The following TRPC4 variants were observed in gnomAD, a reference collection of about 807,000 sequenced individuals.
TRPC4 encodes short transient receptor potential channel 4.
TRPC4 carries 49 observed loss-of-function variants against 99.4 expected under a neutral mutation model. The observed-to-expected ratio is 0.49, with a 90% CI of 0.39 to 0.63. The LOEUF (loss-of-function observed/expected upper bound fraction) is 0.63. Ranked by LOEUF, TRPC4 falls within the 20% of genes least tolerant of loss-of-function variation. The pLI, the probability that TRPC4 is intolerant of heterozygous loss-of-function variation, is 0.00. For missense variants in TRPC4, 898 were observed against 1,152.9 expected (o/e 0.78, Z 3.20); for synonymous variants, 454 against 425.9 (o/e 1.07, Z -0.81).
At chr13:37,750,931 C>T (rs1955916819) in intron 2 of TRPC4, among the ~76,000 whole-genome samples, 1 of 152,008 alleles carries the variant, frequency 6.6e-6, no homozygotes, top group South Asian at 2.1e-4. Context: ...TTCTAATCTT[C>T]ACTGTGCTGT....
At chr13:37,663,332 T>A in intron 6 of TRPC4, 84 bp downstream of exon 6, 1 of 1,320,594 alleles carries the variant, frequency 7.6e-7, no homozygotes, top group Non-Finnish European at 1.0e-6. Flanking sequence ...TTTACAACCA[T>A]TTGTCATAGG....
intron 1 of TRPC4, among the ~76,000 whole-genome samples, chr13:37,807,037 G>A (rs1957544278): frequency 1.3e-5 from 2 of 151,992 alleles, no homozygotes; most frequent in African/African-American, 4.8e-5. Context: ...AAAATTGCTT[G>A]AATCAATACA....
At chr13:37,852,740 G>A (rs1183636525) in intron 1 of TRPC4, among the ~76,000 whole-genome samples, 1 of 152,140 alleles carries the variant, frequency 6.6e-6, no homozygotes, top group Non-Finnish European at 1.5e-5. Flanking sequence ...CTACCTTGAA[G>A]GGTGAGTCCC....
intron 1 of TRPC4, among the ~76,000 whole-genome samples, chr13:37,798,268 C>A (rs929826237): frequency 4.6e-5 from 7 of 152,032 alleles, no homozygotes; most frequent in African/African-American, 1.2e-4. Flanking sequence ...GTAGAATCAT[C>A]CTTTCTCACT....
chr13:37,646,617 G>GCT (rs1285393013), intron 8 of TRPC4, among the ~76,000 whole-genome samples: 11 of 152,142 alleles, frequency 7.2e-5, no homozygotes, highest in Admixed American at 2.0e-4. Context: ...AAAAAATTGT[G>GCT]GTAGATACCA....
Position 37,637,408 on chromosome 13 carries a change from A to G in TRPC4, c.2429T>C (p.Ile810Thr). Residue 810 changes from isoleucine (I) to threonine (T), a missense_variant, in exon 11 of 11, where the codon ATT becomes ACT. Physicochemically the swap from Ile to Thr is moderately conservative, Grantham distance 89. Around this residue, in one of 3 missense-constraint regions of TRPC4, gnomAD observed 346 missense variants for 351.4 expected, o/e 0.98. Coordinates refer to ENST00000379705, the MANE Select transcript of TRPC4 (RefSeq NM_016179.4). ...TTLIHPRSAA[I>T]ASERHNISNG... ...GCTTATGTTATGTCTTTCAGAGGCAATTGCTGCTGATCTCGGATGAATCAG... is the reference window on the plus strand; with the variant it reads ...GCTTATGTTATGTCTTTCAGAGGCAGTTGCTGCTGATCTCGGATGAATCAG... The G allele has an allele frequency of 6.2e-7, 1 of 1,613,718 alleles. No individual in the cohort carries two copies. The highest frequency in any genetic ancestry group is 8.5e-7 in the Non-Finnish European group (1 of 1,179,810).
chr13:37,866,853 G>GGC (rs1566236267), intron 1 of TRPC4, among the ~76,000 whole-genome samples: 2 of 115,056 alleles, frequency 1.7e-5, no homozygotes, highest in Non-Finnish European at 3.4e-5. Context: ...TTGTGGGGGG[G>GGC]GGCGGGTATA....
At chr13:37,660,729 T>A (rs181789200) in intron 6 of TRPC4, among the ~76,000 whole-genome samples, 7 of 152,314 alleles carry the variant, frequency 4.6e-5, no homozygotes, top group Admixed American at 1.3e-4. Flanking sequence ...TGAATTAGTG[T>A]ATTTTTAACC....
At chr13:37,748,717 A>C (rs1428666741) in intron 2 of TRPC4, among the ~76,000 whole-genome samples, 1 of 152,054 alleles carries the variant, frequency 6.6e-6, no homozygotes, top group Non-Finnish European at 1.5e-5. Flanking sequence ...TCTTTGTAGA[A>C]TATTGCAGAA....
At chr13:37,727,326 A>G (rs756535004) in intron 3 of TRPC4, among the ~76,000 whole-genome samples, 18 of 152,058 alleles carry the variant, frequency 1.2e-4, no homozygotes, top group African/African-American at 1.7e-4. Context: ...CGTACTTTTA[A>G]CCAACGGATC....
At chr13:37,783,795 A>G (rs1424062938) in intron 1 of TRPC4, among the ~76,000 whole-genome samples, 1 of 152,146 alleles carries the variant, frequency 6.6e-6, no homozygotes, top group African/African-American at 2.4e-5. Context: ...TGGAAACGCT[A>G]TTGAGATTAT....
chr13:37,830,539 C>G (rs1057237469), intron 1 of TRPC4, among the ~76,000 whole-genome samples: 1 of 151,256 alleles, frequency 6.6e-6, no homozygotes, highest in African/African-American at 2.4e-5. Flanking sequence ...ATGGTGAAAC[C>G]CCGTCTCTAC....
At chr13:37,673,633 A>G (rs1410138867) in intron 5 of TRPC4, among the ~76,000 whole-genome samples, 1 of 152,178 alleles carries the variant, frequency 6.6e-6, no homozygotes, top group Non-Finnish European at 1.5e-5. Flanking sequence ...TGACAGAACA[A>G]AAATGTTTTA....
At chr13:37,644,092 A>G (rs1951800881) in intron 8 of TRPC4, among the ~76,000 whole-genome samples, 1 of 152,180 alleles carries the variant, frequency 6.6e-6, no homozygotes, top group African/African-American at 2.4e-5. Context: ...AACTCATAAT[A>G]TATGTACTCT....
intron 3 of TRPC4, among the ~76,000 whole-genome samples, chr13:37,706,041 A>G (rs1954263095): frequency 6.6e-6 from 1 of 152,194 alleles, no homozygotes; most frequent in South Asian, 2.1e-4. Flanking sequence ...TACCTTAAAC[A>G]TACATTTACA....
chr13:37,660,401 T>G (rs1952393040), intron 6 of TRPC4, among the ~76,000 whole-genome samples: 1 of 152,122 alleles, frequency 6.6e-6, no homozygotes, highest in African/African-American at 2.4e-5. Context: ...TTAGAGCAGT[T>G]TTAGTGGAAT....
intron 1 of TRPC4, among the ~76,000 whole-genome samples, chr13:37,785,655 A>C (rs2099545378): frequency 6.6e-6 from 1 of 152,104 alleles, no homozygotes; most frequent in Non-Finnish European, 1.5e-5. Flanking sequence ...GATTCAATCA[A>C]GGTTAAGACT....
chr13:37,734,890 G>T (rs1422541426), intron 3 of TRPC4, among the ~76,000 whole-genome samples: 2 of 151,988 alleles, frequency 1.3e-5, no homozygotes, highest in East Asian at 3.9e-4. Context: ...CATGGAGGAT[G>T]GGCTTAGTTT....
At chr13:37,778,804 G>T (rs1422512687) in intron 2 of TRPC4, among the ~76,000 whole-genome samples, 2 of 151,980 alleles carry the variant, frequency 1.3e-5, no homozygotes, top group Non-Finnish European at 2.9e-5. Context: ...TAGTACTTAA[G>T]GGAATGAGTC....
Sources: allele counts gnomAD v4.1 joint callset (sites outside exome capture counted in the v4.1 genomes callset), GRCh38; gene constraint gnomAD v4.1.1; regional missense constraint gnomAD v4.1.1; transcripts MANE v1.5; gene names NCBI Gene and HGNC (gene_info 2026-07-23, HGNC 2026-07-21).